The following ADAMTSL3 variants were observed in gnomAD, a reference collection of about 807,000 sequenced individuals.
The protein encoded by ADAMTSL3 is ADAMTS-like protein 3.
A neutral mutation model predicts 201.7 loss-of-function variants in ADAMTSL3; 128 were observed. The observed-to-expected ratio is 0.63, with a 90% CI of 0.55 to 0.73. ADAMTSL3 has a LOEUF of 0.73. ADAMTSL3 is among the 30% of genes least tolerant of loss of function. ADAMTSL3 has a pLI of 0.00. For synonymous variants in ADAMTSL3, 738 were observed against 748.4 expected (o/e 0.99, Z 0.23); for missense variants, 1,990 against 2,119.6 (o/e 0.94, Z 1.20).
chr15:84,002,521 T>C lies in ADAMTSL3; in HGVS notation c.3973+11307T>C, dbSNP rs192620342. 3.7e-4 allele frequency among the ~76,000 whole-genome samples: 57 copies of C among 152,336 alleles called. No individual in the cohort carries two copies. The East Asian group carries it at 0.01, about 28-fold the overall frequency. Reference sequence around the variant, plus strand: ...CAAAAGGCCCCATATATTGTCATCATGTAGTTCCACATTGTGTGCCCACCC... The same window carrying C: ...CAAAAGGCCCCATATATTGTCATCACGTAGTTCCACATTGTGTGCCCACCC... On this transcript the variant is annotated intron_variant, in intron 23 of 29. Transcript: ENST00000286744.
At chr15:83,866,585 A>C (rs1384642339) in intron 8 of ADAMTSL3, among the ~76,000 whole-genome samples, 1 of 152,108 alleles carries the variant, frequency 6.6e-6, no homozygotes, top group Non-Finnish European at 1.5e-5. Flanking sequence ...CAGGAAGGGG[A>C]ACATCACACA....
chr15:83,801,827 C>A (rs191080417), intron 4 of ADAMTSL3, among the ~76,000 whole-genome samples: 3 of 150,418 alleles, frequency 2.0e-5, no homozygotes, highest in African/African-American at 7.3e-5. Flanking sequence ...AAATAATCAG[C>A]AGCATTGTAA....
intron 2 of ADAMTSL3, among the ~76,000 whole-genome samples, chr15:83,656,427 C>T (rs991671960): frequency 3.9e-5 from 6 of 152,182 alleles, no homozygotes; most frequent in African/African-American, 4.8e-5. Flanking sequence ...AAGTGCAGAA[C>T]GCGTGCTCCA....
rs115573091 is a variant in ADAMTSL3 at position 83,801,498 on chromosome 15, A to G, written c.318-3152A>G. 1.7e-3 allele frequency among the ~76,000 whole-genome samples: 264 copies of G among 151,258 alleles called. 1 individual carries two copies. The highest frequency in any genetic ancestry group is 6.3e-3 in the African/African-American group (259 of 41,264). ...AAAAACTGCAAAGGAAAAAGAGTGG[A>G]AGTTAATATTAAAAATGTACTGGAC... On this transcript the variant is annotated intron_variant, in intron 4 of 29. Transcript: ENST00000286744.
intron 5 of ADAMTSL3, among the ~76,000 whole-genome samples, chr15:83,805,858 C>G (rs1317456101): frequency 1.3e-5 from 2 of 152,198 alleles, no homozygotes; most frequent in Non-Finnish European, 1.5e-5. Context: ...TACTCCATCT[C>G]CCCTGTAAGG....
At chr15:83,968,110 G>A (rs759636215) in intron 19 of ADAMTSL3, among the ~76,000 whole-genome samples, 7 of 152,120 alleles carry the variant, frequency 4.6e-5, no homozygotes, top group Non-Finnish European at 7.4e-5. Flanking sequence ...TGCCATTCAG[G>A]ACATAGACAT....
In ADAMTSL3 at chr15:83,674,766, C is replaced by CATATATATAT. The variant is rs377132060; in HGVS notation, c.69+18950_69+18959dup. Among the ~76,000 whole-genome samples the CATATATATAT allele has an allele frequency of 3.1e-3, 212 of 68,664 alleles. 3 individuals are homozygous for CATATATATAT. The highest frequency in any genetic ancestry group is 4.4e-3 in the Non-Finnish European group (155 of 35,100). The allele number at this position is 68,664 out of a possible 152,430, so 45.0% of individuals were successfully genotyped here. A position where few individuals can be genotyped will look rare whatever the true frequency, so the allele number is the denominator to read the frequency against. Reference sequence around the variant, plus strand: ...ATATACATATATACACACATATATACATATATATATATATATATATATAAA... The same window carrying CATATATATAT: ...ATATACATATATACACACATATATACATATATATATATATATATATATATATATATATAAA... On this transcript the variant is annotated intron_variant, in intron 2 of 29. Transcript: ENST00000286744.
intron 3 of ADAMTSL3, among the ~76,000 whole-genome samples, chr15:83,706,480 G>A (rs1376057117): frequency 1.3e-5 from 2 of 152,060 alleles, no homozygotes; most frequent in African/African-American, 4.8e-5. Context: ...GGAATAATTT[G>A]AGACTATAAC....
At chr15:83,946,576 G>T (rs906021581) in intron 19 of ADAMTSL3, among the ~76,000 whole-genome samples, 1 of 152,172 alleles carries the variant, frequency 6.6e-6, no homozygotes, top group Non-Finnish European at 1.5e-5. Flanking sequence ...TCCTCCAGTT[G>T]TTCAGAGCTC....
At chr15:84,029,258 G>T (rs2068360499) in intron 27 of ADAMTSL3, among the ~76,000 whole-genome samples, 1 of 152,194 alleles carries the variant, frequency 6.6e-6, no homozygotes, top group African/African-American at 2.4e-5. Context: ...GAGATCTGTT[G>T]AAGGGTTTTG....
At chr15:83,714,842 C>CT (rs1238021195) in intron 3 of ADAMTSL3, among the ~76,000 whole-genome samples, 1,283 of 126,666 alleles carry the variant, frequency 0.01, 47 homozygotes, top group Non-Finnish European at 0.015. Context: ...CTCTTTCTTT[C>CT]TCTCTCTTTC....
chr15:83,821,173 A>T (rs1276571392), intron 6 of ADAMTSL3, among the ~76,000 whole-genome samples: 1 of 152,016 alleles, frequency 6.6e-6, no homozygotes, highest in Non-Finnish European at 1.5e-5. Flanking sequence ...CTTCTGAAAA[A>T]TATTTTTTTT....
chr15:83,862,128 C>A (rs907687026), intron 8 of ADAMTSL3: 1 of 152,094 alleles, frequency 6.6e-6, no homozygotes, highest in Non-Finnish European at 1.5e-5. Flanking sequence ...GTGAAAAGAC[C>A]AAATCTACGT....
intron 5 of ADAMTSL3, among the ~76,000 whole-genome samples, chr15:83,817,721 C>T (rs2063791497): frequency 1.3e-5 from 2 of 152,012 alleles, no homozygotes. Context: ...ATACAAAAAG[C>T]AAATACACAT....
intron 16 of ADAMTSL3, among the ~76,000 whole-genome samples, chr15:83,918,466 A>G (rs2066077134): frequency 6.6e-6 from 1 of 152,246 alleles, no homozygotes; most frequent in Non-Finnish European, 1.5e-5. Flanking sequence ...TGACCTAATT[A>G]CACTTGAATT....
intron 27 of ADAMTSL3, among the ~76,000 whole-genome samples, chr15:84,026,073 T>G (rs1180542364): frequency 6.6e-6 from 1 of 152,208 alleles, no homozygotes; most frequent in Admixed American, 6.5e-5. Flanking sequence ...ACATAAATTT[T>G]TATTTTAAAA....
Position 83,956,088 on chromosome 15 carries a change from C to G in ADAMTSL3, c.2490+13006C>G, listed in dbSNP as rs373897136. ...TGGTGAGACTGCTGAAACTCAGGCT[C>G]CGGCCACTGGAATAGGCACTTCCCC... On this transcript the variant is annotated intron_variant, in intron 19 of 29. Transcript: ENST00000286744. Among the ~76,000 whole-genome samples, 63 of 152,280 alleles carry G rather than the reference C, an allele frequency of 4.1e-4. No individual in the cohort carries two copies. The East Asian group carries it at 0.012, about 28-fold the overall frequency.
At chr15:83,901,719 C>T (rs184995128) in intron 15 of ADAMTSL3, among the ~76,000 whole-genome samples, 5 of 151,356 alleles carry the variant, frequency 3.3e-5, no homozygotes, top group Admixed American at 3.3e-4. Flanking sequence ...ATCTGTAGAC[C>T]TTCCAACTGT....
At chr15:83,851,372 G>A (rs2064609496) in intron 7 of ADAMTSL3, among the ~76,000 whole-genome samples, 1 of 152,144 alleles carries the variant, frequency 6.6e-6, no homozygotes, top group South Asian at 2.1e-4. Flanking sequence ...AAAATCAACT[G>A]CAAGGGATTT....
Sources: gnomAD v4.1 joint callset for allele counts (sites outside exome capture counted in the v4.1 genomes callset) on GRCh38, gnomAD v4.1.1 for gene constraint, MANE v1.5 for transcripts, NCBI Gene and HGNC (gene_info 2026-07-23, HGNC 2026-07-21) for gene names.